SYN3: variants seen among roughly 807,000 people sequenced by gnomAD.
SYN3 encodes synapsin-3.
A neutral mutation model predicts 65.8 loss-of-function variants in SYN3; 35 were observed. That is an observed-to-expected ratio of 0.53 (90% CI 0.41 to 0.70). The LOEUF (loss-of-function observed/expected upper bound fraction) is 0.70. SYN3 is among the 30% of genes least tolerant of loss of function. The pLI is 0.00. For synonymous variants in SYN3, 270 were observed against 292.9 expected, an observed-to-expected ratio of 0.92 and a Z score of 0.80; for missense variants, 680 against 749.0, an observed-to-expected ratio of 0.91 and a Z score of 1.08.
At chr22:32,962,883 ATC>A (rs1421467619) in intron 3 of SYN3, among the ~76,000 whole-genome samples, 1 of 150,644 alleles carries the variant, frequency 6.6e-6, no homozygotes, top group African/African-American at 2.4e-5. Context: ...TTATCTACCT[ATC>A]TCTCTCTATA....
chr22:32,520,510 G>A (rs1297187304), intron 12 of SYN3, among the ~76,000 whole-genome samples: 2 of 152,072 alleles, frequency 1.3e-5, no homozygotes, highest in African/African-American at 4.8e-5. Flanking sequence ...AAGGGGACAC[G>A]CCGAGATTCA....
In SYN3 at chr22:32,837,293, G is replaced by A. The variant is rs1324252414; in HGVS notation, c.711+27622C>T. 3.3e-5 allele frequency among the ~76,000 whole-genome samples: 5 copies of A among 152,304 alleles called. No individual in the cohort carries two copies. Among genetic ancestry groups the A allele is most frequent in the South Asian group, 2.1e-4 (1 of 4,822 alleles). On this transcript the variant is annotated intron_variant, in intron 6 of 13. Coordinates refer to ENST00000358763, the MANE Select transcript of SYN3 (RefSeq NM_003490.4). The surrounding 1 kb of genome is among the most constrained non-coding windows in gnomAD (Gnocchi z 4.1). ...GGGATAAAGTTTCCCATGGGCCCCCGTGGAGAGGCTGGAGCACTCTCAGGG... is the reference window on the plus strand; with the variant it reads ...GGGATAAAGTTTCCCATGGGCCCCCATGGAGAGGCTGGAGCACTCTCAGGG...
intron 6 of SYN3, among the ~76,000 whole-genome samples, chr22:32,661,949 A>C (rs1001990993): frequency 6.6e-6 from 1 of 152,324 alleles, no homozygotes; most frequent in East Asian, 1.9e-4. Flanking sequence ...TTGACAAAGG[A>C]TAATTTTTTT....
chr22:32,682,210 A>C (rs1328721491), intron 6 of SYN3, among the ~76,000 whole-genome samples: 1 of 152,140 alleles, frequency 6.6e-6, no homozygotes, highest in African/African-American at 2.4e-5. Context: ...GGCCTCTAGT[A>C]GGCAAAGGTC....
At chr22:33,019,613 GTTAT>G (rs1352466464) in intron 1 of SYN3, among the ~76,000 whole-genome samples, 1 of 152,158 alleles carries the variant, frequency 6.6e-6, no homozygotes, top group Non-Finnish European at 1.5e-5. Flanking sequence ...AGCTCCTGCT[GTTAT>G]TTATTTATTA....
intron 2 of SYN3, among the ~76,000 whole-genome samples, chr22:32,998,023 T>C (rs949472956): frequency 1.7e-4 from 20 of 116,322 alleles, no homozygotes; most frequent in Non-Finnish European, 3.3e-4. Flanking sequence ...CGAGACTCCA[T>C]CTCAAAAAAA....
chr22:32,539,331 T>C (rs1017001341), intron 8 of SYN3, among the ~76,000 whole-genome samples: 2 of 151,554 alleles, frequency 1.3e-5, no homozygotes, highest in Non-Finnish European at 2.9e-5. Context: ...GAATAGATGG[T>C]GGATGGGGGA....
At chr22:32,794,715 G>A (rs1399794626) in intron 6 of SYN3, among the ~76,000 whole-genome samples, 1 of 152,172 alleles carries the variant, frequency 6.6e-6, no homozygotes, top group Admixed American at 6.5e-5. Flanking sequence ...ACCCAGTGTG[G>A]GTGGGAGGTG....
intron 6 of SYN3, among the ~76,000 whole-genome samples, chr22:32,657,638 G>T (rs1317437281): frequency 6.6e-6 from 1 of 152,208 alleles, no homozygotes; most frequent in Non-Finnish European, 1.5e-5. Context: ...ACAAGGCAGG[G>T]CTTGGTAAGA....
chr22:32,673,912 C>T (rs1294216731), intron 6 of SYN3, among the ~76,000 whole-genome samples: 1 of 152,080 alleles, frequency 6.6e-6, no homozygotes, highest in Non-Finnish European at 1.5e-5. Context: ...TCCTGGGAGC[C>T]CTGATGGGTA....
chr22:32,764,836 C>A (rs558972393), intron 6 of SYN3, among the ~76,000 whole-genome samples: 4 of 152,292 alleles, frequency 2.6e-5, no homozygotes, highest in Admixed American at 2.6e-4. Context: ...CAATGGCAAG[C>A]CTCTGCCATC....
intron 6 of SYN3, among the ~76,000 whole-genome samples, chr22:32,815,635 A>G (rs1185413904): frequency 6.6e-6 from 1 of 152,204 alleles, no homozygotes; most frequent in Non-Finnish European, 1.5e-5. Context: ...ACATATATAC[A>G]TGTAATAAAT....
rs1051206683 is a variant in SYN3 at position 32,662,199 on chromosome 22, G to A, written c.712-65463C>T. On this transcript the variant is annotated intron_variant, in intron 6 of 13. Transcript: ENST00000358763. The stretch of plus-strand genomic sequence containing the variant: ...ATGCATCCACTCCTACCTCTGCAAC[G>A]TCTCCTTTTCGGCATTCTTTTCTCC... Among the ~76,000 whole-genome samples the A allele has an allele frequency of 7.2e-5, 11 of 152,170 alleles. No homozygotes were observed. The East Asian group carries it at 7.7e-4, about 11-fold the overall frequency.
intron 6 of SYN3, among the ~76,000 whole-genome samples, chr22:32,795,508 GT>G (rs1382234216): frequency 6.6e-6 from 1 of 152,210 alleles, no homozygotes; most frequent in African/African-American, 2.4e-5. Context: ...GGATCTCTAG[GT>G]GAAATTGGGC....
chr22:32,816,952 G>A (rs756240319), intron 6 of SYN3, among the ~76,000 whole-genome samples: 7 of 152,120 alleles, frequency 4.6e-5, no homozygotes. Context: ...CGGGCACAGC[G>A]GCTCACGCAT....
At chr22:32,788,119 C>G (rs968531614) in intron 6 of SYN3, among the ~76,000 whole-genome samples, 1 of 151,944 alleles carries the variant, frequency 6.6e-6, no homozygotes, top group African/African-American at 2.4e-5. Context: ...CGTTTTTTTT[C>G]TCTTGAAATC....
At chr22:32,781,959 C>T (rs969568011) in intron 6 of SYN3, among the ~76,000 whole-genome samples, 6 of 152,096 alleles carry the variant, frequency 3.9e-5, no homozygotes, top group African/African-American at 1.4e-4. Flanking sequence ...GTTTTCCTTC[C>T]ATGTGTTCTC....
At chr22:32,719,529 G>A (rs1426324613) in intron 6 of SYN3, among the ~76,000 whole-genome samples, 2 of 152,192 alleles carry the variant, frequency 1.3e-5, no homozygotes, top group East Asian at 1.9e-4. Context: ...TATAGTAAAT[G>A]TTCAAGAAAT....
At chr22:32,563,431 T>A (rs1315217512) in intron 7 of SYN3, among the ~76,000 whole-genome samples, 1 of 152,168 alleles carries the variant, frequency 6.6e-6, no homozygotes, top group Non-Finnish European at 1.5e-5. Context: ...TTCAGGAAAC[T>A]CTTGAACTTG....
Sources: allele counts gnomAD v4.1 joint callset (sites outside exome capture counted in the v4.1 genomes callset), GRCh38; gene constraint gnomAD v4.1.1; non-coding constraint Gnocchi (gnomAD v3.1); transcripts MANE v1.5; gene names NCBI Gene and HGNC (gene_info 2026-07-23, HGNC 2026-07-21).